ANO2: variants seen among roughly 807,000 people sequenced by gnomAD.
ANO2 encodes the protein anoctamin 2.
A neutral mutation model predicts 124.2 loss-of-function variants in ANO2; 101 were observed. The ratio of observed to expected loss-of-function variants is 0.81; its 90% confidence interval spans 0.69 to 0.96. ANO2 has a LOEUF of 0.96. ANO2 is among the 40% of genes least tolerant of loss of function. The probability of loss-of-function intolerance (pLI) is 0.00; values close to 1 mark genes in which losing one functional copy is unlikely to be tolerated. For synonymous variants in ANO2, 486 were observed against 482.5 expected (o/e 1.01, Z -0.09); for missense variants, 1,293 against 1,274.5 (o/e 1.01, Z -0.22).
chr12:5,733,178 C>A, intron 13 of ANO2: 2 of 492,998 alleles, frequency 4.1e-6, no homozygotes, highest in Non-Finnish European at 7.4e-6. Flanking sequence ...CATAGGGAAT[C>A]TTAAAACTCA....
chr12:5,916,492 T>TA (rs57056611), intron 3 of ANO2, among the ~76,000 whole-genome samples: 22,110 of 92,800 alleles, frequency 0.24, 2,867 homozygotes, highest in African/African-American at 0.29. Context: ...CGCAGCAGGT[T>TA]AAAAAAAAAA....
intron 20 of ANO2, among the ~76,000 whole-genome samples, chr12:5,587,834 A>AG (rs1943194235): frequency 6.6e-6 from 1 of 151,866 alleles, no homozygotes; most frequent in Non-Finnish European, 1.5e-5. Context: ...GCACCTCCTC[A>AG]GGCTGATCCC....
At chr12:5,666,274 TTCTC>T (rs1448206252) in intron 14 of ANO2, among the ~76,000 whole-genome samples, 9 of 152,336 alleles carry the variant, frequency 5.9e-5, no homozygotes, top group Admixed American at 5.9e-4. Flanking sequence ...AAGAGAGTCT[TTCTC>T]TCTTTCCCAC....
upstream of ANO2, among the ~76,000 whole-genome samples, chr12:5,945,422 T>G (rs1236420517): frequency 1.3e-5 from 2 of 151,994 alleles, no homozygotes; most frequent in African/African-American, 2.4e-5. Context: ...GGCGCCCGGG[T>G]GCTGGGAGCG....
intron 10 of ANO2, among the ~76,000 whole-genome samples, chr12:5,785,702 G>A (rs1258013388): frequency 6.6e-6 from 1 of 151,198 alleles, no homozygotes; most frequent in Non-Finnish European, 1.5e-5. Context: ...CAAGCACACA[G>A]ACACAGTTCC....
intron 14 of ANO2, among the ~76,000 whole-genome samples, chr12:5,692,452 T>C (rs1948984986): frequency 6.6e-6 from 1 of 152,170 alleles, no homozygotes; most frequent in Admixed American, 6.5e-5. Context: ...TTAGTGAATG[T>C]TAAATTCAAG....
At chr12:5,691,027 G>A (rs1209157414) in intron 14 of ANO2, among the ~76,000 whole-genome samples, 8 of 152,164 alleles carry the variant, frequency 5.3e-5, no homozygotes, top group East Asian at 3.9e-4. Flanking sequence ...AGAGACGGCC[G>A]GCAAAGAAAT....
chr12:5,580,719 C>G (rs759248662), intron 20 of ANO2, among the ~76,000 whole-genome samples: 3 of 152,186 alleles, frequency 2.0e-5, no homozygotes, highest in African/African-American at 7.2e-5. Flanking sequence ...GGAAAGGGAA[C>G]AGGCATGGAA....
chr12:5,847,466 T>TGC (rs1954718400), intron 4 of ANO2, among the ~76,000 whole-genome samples: 1 of 151,830 alleles, frequency 6.6e-6, no homozygotes. Context: ...TGTGTGTGTG[T>TGC]GTGTGTGTGT....
chr12:5,913,088 G>C (rs1386943321), intron 3 of ANO2, among the ~76,000 whole-genome samples: 1 of 152,166 alleles, frequency 6.6e-6, no homozygotes, highest in Non-Finnish European at 1.5e-5. Context: ...AGCACCAGCA[G>C]CCTGCCCTCT....
intron 15 of ANO2, among the ~76,000 whole-genome samples, chr12:5,643,182 T>C (rs1162400605): frequency 6.6e-6 from 1 of 152,160 alleles, no homozygotes; most frequent in Non-Finnish European, 1.5e-5. Flanking sequence ...CTCCCATCCC[T>C]GCTGCTCCTT....
At chr12:5,695,330 CT>C (rs11355207) in intron 14 of ANO2, among the ~76,000 whole-genome samples, 118,481 of 149,826 alleles carry the variant, frequency 0.79, 47,257 homozygotes, top group East Asian at 0.94. Flanking sequence ...TGAAAAGAAT[CT>C]TTAAGATCAT....
intron 14 of ANO2, among the ~76,000 whole-genome samples, chr12:5,704,571 A>G (rs1949531085): frequency 6.6e-6 from 1 of 152,098 alleles, no homozygotes; most frequent in African/African-American, 2.4e-5. Flanking sequence ...GGCAGATTTG[A>G]CAGTTAAAAA....
At chr12:5,736,327 C>T (rs1314696240) in intron 13 of ANO2, among the ~76,000 whole-genome samples, 1 of 152,160 alleles carries the variant, frequency 6.6e-6, no homozygotes, top group Non-Finnish European at 1.5e-5. Context: ...CTGCTGAAGG[C>T]ACCCAGGTGG....
At chr12:5,853,895 C>A in intron 4 of ANO2, 148 bp downstream of exon 4, 2 of 134,456 alleles carry the variant, frequency 1.5e-5, no homozygotes, top group East Asian at 5.4e-4. Flanking sequence ...CCCCACCCCC[C>A]ACCCCCCACC....
intron 12 of ANO2, among the ~76,000 whole-genome samples, chr12:5,742,450 G>T (rs979236678): frequency 6.6e-6 from 1 of 152,150 alleles, no homozygotes; most frequent in Non-Finnish European, 1.5e-5. Flanking sequence ...CCTGCACTGT[G>T]ATGTGAAAGG....
intron 14 of ANO2, among the ~76,000 whole-genome samples, chr12:5,661,020 G>C (rs571698170): frequency 1.3e-5 from 2 of 152,184 alleles, no homozygotes; most frequent in Non-Finnish European, 2.9e-5. Flanking sequence ...AGTCAATTGC[G>C]TGGCCCACAG....
intron 14 of ANO2, among the ~76,000 whole-genome samples, chr12:5,693,082 A>G (rs1183468124): frequency 1.1e-4 from 17 of 152,102 alleles, no homozygotes; most frequent in Admixed American, 1.1e-3. Flanking sequence ...AAACAGACAT[A>G]GGGTTCATTT....
Position 5,923,117 on chromosome 12 carries a change from C to T in ANO2, c.23-313G>A, listed in dbSNP as rs1474521161. 5.0e-5 allele frequency among the ~76,000 whole-genome samples: 3 copies of T among 60,396 alleles called. 1 individual carries two copies. The highest frequency in any genetic ancestry group is 1.3e-4 in the African/African-American group (3 of 23,072). The allele number at this position is 60,396 out of a possible 152,430, so 39.6% of individuals were successfully genotyped here. A position where few individuals can be genotyped will look rare whatever the true frequency, so the allele number is the denominator to read the frequency against. ...ACGCACACACATACACACACATGCA[C>T]GCACACACACCCACATACACACACA... On this transcript the variant is annotated intron_variant, in intron 1 of 24. Coordinates refer to ENST00000682330, the MANE Select transcript of ANO2 (RefSeq NM_001364791.2).
Sources: gnomAD v4.1 joint callset for allele counts (sites outside exome capture counted in the v4.1 genomes callset) on GRCh38, gnomAD v4.1.1 for gene constraint, MANE v1.5 for transcripts, NCBI Gene and HGNC (gene_info 2026-07-23, HGNC 2026-07-21) for gene names.